DZANK1: variants seen among roughly 807,000 people sequenced by gnomAD.
DZANK1 encodes double zinc ribbon and ankyrin repeat domains 1.
In DZANK1, 91 loss-of-function variants were observed where a neutral mutation model predicts 94.5. That is an observed-to-expected ratio of 0.96 (90% confidence interval 0.81 to 1.15). The LOEUF (loss-of-function observed/expected upper bound fraction) is 1.15. DZANK1 is among the 50% of genes most tolerant of loss of function. DZANK1 has a pLI of 0.00. For synonymous variants in DZANK1, 312 were observed against 325.3 expected, an observed-to-expected ratio of 0.96 and a Z score of 0.44; for missense variants, 903 against 916.4, an observed-to-expected ratio of 0.99 and a Z score of 0.19.
rs550235306 is a variant in DZANK1, at chr20:18,463,302, T to C, written c.109+1948A>G. Among the ~76,000 whole-genome samples the C allele has an allele frequency of 2.8e-3, 425 of 152,246 alleles. 4 individuals are homozygous for C. The highest frequency in any genetic ancestry group is 2.7e-3 in the Non-Finnish European group (187 of 68,024). ...CGTGTTCTCACTTATAAATGGGAGC[T>C]AAACATTAGGTACAAATGGACATAA... On this transcript the variant is annotated intron_variant, in intron 2 of 20. Transcript: ENST00000262547.
chr20:18,394,393 C>T, intron 15 of DZANK1, 43 bp from the exon 16 acceptor site: 2 of 1,564,768 alleles, frequency 1.3e-6, no homozygotes, highest in East Asian at 2.3e-5. Context: ...GATGAGGCTG[C>T]TTTGTCCCAC....
At chr20:18,414,399 G>C in exon 12 of DZANK1, 1 of 1,613,984 alleles carries the variant, frequency 6.2e-7, no homozygotes, top group Non-Finnish European at 8.5e-7. Flanking sequence ...TTCTGTCCAA[G>C]CTAAGTTTCA....
intron 10 of DZANK1, among the ~76,000 whole-genome samples, chr20:18,417,034 C>CAAAAAAAAAAAAAAAAAA (rs55889297): frequency 1.4e-5 from 2 of 139,928 alleles, no homozygotes; most frequent in Non-Finnish European, 3.1e-5. Context: ...CAAAAAAAAA[C>CAAAAAAAAAAAAAAAAAA]AAAAAAAAAA....
chr20:18,399,166 T>C (rs2056529452), intron 13 of DZANK1, among the ~76,000 whole-genome samples: 1 of 151,992 alleles, frequency 6.6e-6, no homozygotes, highest in African/African-American at 2.4e-5. Flanking sequence ...ATATTTTGAT[T>C]GCCACACATG....
chr20:18,429,763 T>C lies in DZANK1; in HGVS notation c.862-2604A>G, dbSNP rs117041051. ...AGTTTTCTTGGTTGACAGGTTTTTC[T>C]ATGTTTTTATTTGTGGAGACTTTTG... is the stretch of plus-strand genomic sequence containing the variant. On this transcript the variant is annotated intron_variant, in intron 9 of 20. Coordinates refer to ENST00000262547, the Ensembl canonical transcript of DZANK1. 2.4e-3 allele frequency among the ~76,000 whole-genome samples: 361 copies of C among 152,370 alleles called. 5 individuals are homozygous for C. Among genetic ancestry groups the C allele is most frequent in the Admixed American group, 0.02 (303 of 15,298 alleles).
At chr20:18,398,930 G>A (rs1281477630) in intron 13 of DZANK1, among the ~76,000 whole-genome samples, 1 of 151,804 alleles carries the variant, frequency 6.6e-6, no homozygotes, top group Non-Finnish European at 1.5e-5. Flanking sequence ...TCAAAAGTTC[G>A]AGACCAGCCT....
chr20:18,436,488 G>C (rs917495495), intron 8 of DZANK1, among the ~76,000 whole-genome samples: 3 of 150,596 alleles, frequency 2.0e-5, no homozygotes, highest in Non-Finnish European at 4.4e-5. Context: ...ACAGCAGATC[G>C]CATAACAGAA....
intron 13 of DZANK1, among the ~76,000 whole-genome samples, chr20:18,401,878 C>T (rs1032901024): frequency 2.6e-5 from 4 of 152,192 alleles, no homozygotes; most frequent in African/African-American, 4.8e-5. Context: ...AAGCAAGTCA[C>T]AAGGTCAGTC....
chr20:18,460,653 C>A (rs576812063), intron 2 of DZANK1, among the ~76,000 whole-genome samples: 2 of 151,976 alleles, frequency 1.3e-5, no homozygotes, highest in South Asian at 2.1e-4. Context: ...TGCCAGAAAC[C>A]GGGACGCAGA....
chr20:18,449,071 T>C lies in DZANK1; in HGVS notation c.544-2A>G. On this transcript the variant is annotated splice_acceptor_variant, in intron 6 of 20. Transcript: ENST00000262547. LOFTEE classifies it high-confidence loss of function. Reference sequence around the variant, plus strand: ...GCTTACGTGTGCAAAACCGGGGGACTAAAATTAAGAATATAGGTATAAAGA... The same window carrying C: ...GCTTACGTGTGCAAAACCGGGGGACCAAAATTAAGAATATAGGTATAAAGA... 6.2e-7 allele frequency: 1 copy of C among 1,612,586 alleles called. No individual in the cohort carries two copies. The highest frequency in any genetic ancestry group is 2.2e-5 in the East Asian group (1 of 44,848).
intron 10 of DZANK1, among the ~76,000 whole-genome samples, chr20:18,417,661 G>T (rs1189547116): frequency 6.6e-6 from 1 of 152,058 alleles, no homozygotes; most frequent in Non-Finnish European, 1.5e-5. Context: ...TTTAGTCTCA[G>T]TTCTGAAAAA....
At chr20:18,412,936 T>A (rs1311213463) in intron 12 of DZANK1, 83 bp from the exon 13 acceptor site, 2 of 1,275,946 alleles carry the variant, frequency 1.6e-6, no homozygotes, top group Admixed American at 4.8e-5. Flanking sequence ...ACAACTCTAA[T>A]CAGAATAAAA....
chr20:18,410,688 T>C (rs2057208517), intron 13 of DZANK1, among the ~76,000 whole-genome samples: 1 of 152,194 alleles, frequency 6.6e-6, no homozygotes, highest in Non-Finnish European at 1.5e-5. Context: ...GGCTTATGCC[T>C]GTAATCCTAG....
exon 5 of DZANK1, chr20:18,453,763 C>T (rs572542781): frequency 1.2e-5 from 20 of 1,612,630 alleles, no homozygotes; most frequent in African/African-American, 2.7e-5. Flanking sequence ...ATTCCAGCTG[C>T]GTTGATTTTC....
chr20:18,438,138 G>A (rs1018242006), intron 8 of DZANK1, among the ~76,000 whole-genome samples: 2 of 138,930 alleles, frequency 1.4e-5, no homozygotes, highest in African/African-American at 5.4e-5. Context: ...AGAATGGCGT[G>A]AACCTGGGAG....
intron 13 of DZANK1, among the ~76,000 whole-genome samples, chr20:18,400,094 G>T (rs1356893785): frequency 1.3e-5 from 2 of 152,068 alleles, no homozygotes. Context: ...TAATAAAATG[G>T]AACTAATACC....
At chr20:18,384,378 A>C in exon 21 of DZANK1, 1 of 1,594,164 alleles carries the variant, frequency 6.3e-7, no homozygotes, top group Non-Finnish European at 8.5e-7. Flanking sequence ...TCTTAAATGA[A>C]GTCCCGTGGA....
At chr20:18,389,623 G>A (rs2055840576) in intron 19 of DZANK1, 78 bp downstream of exon 19, 1 of 1,574,718 alleles carries the variant, frequency 6.4e-7, no homozygotes, top group Admixed American at 1.7e-5. Context: ...TGTGTGTGTA[G>A]ACCGCTTCTG....
rs200900897 is a variant in DZANK1 at position 18,446,079 on chromosome 20, G to GA, written c.630-2616dup. On this transcript the variant is annotated intron_variant, in intron 7 of 20. Transcript: ENST00000262547. Reference sequence around the variant, plus strand: ...CACGCCCAGCCAAAAAAAAAAAAAAGAAAAAAAGTTTTTTAATTAGCTGGG... The same window carrying GA: ...CACGCCCAGCCAAAAAAAAAAAAAAGAAAAAAAAGTTTTTTAATTAGCTGGG... Among the ~76,000 whole-genome samples, 359 of 143,302 alleles carry GA rather than the reference G, an allele frequency of 2.5e-3. 6 individuals are homozygous for GA. The highest frequency in any genetic ancestry group is 0.021 in the Admixed American group (303 of 14,320). 94.0% of individuals were successfully genotyped at this position (143,302 alleles called of 152,430 possible). A position where few individuals can be genotyped will look rare whatever the true frequency, so the allele number is the denominator to read the frequency against.
Sources: allele counts gnomAD v4.1 joint callset (sites outside exome capture counted in the v4.1 genomes callset), GRCh38; gene constraint gnomAD v4.1.1; transcripts MANE v1.5; gene names NCBI Gene and HGNC (gene_info 2026-07-23, HGNC 2026-07-21).